Variants in GLI1 observed in about 807,000 individuals in gnomAD.
GLI1 encodes the protein transcription activator GLI1.
Under a neutral mutation model 87.8 loss-of-function variants are expected in GLI1, and 51 were observed. The observed-to-expected ratio is 0.58, with a 90% CI of 0.46 to 0.73. The LOEUF (loss-of-function observed/expected upper bound fraction) is 0.73, where lower values mean the gene tolerates loss of function less well. Among genes scored for constraint, GLI1 ranks in the 30% least tolerant of loss-of-function variants. GLI1 has a pLI of 0.00. For synonymous variants in GLI1, 528 were observed against 558.2 expected, an observed-to-expected ratio of 0.95 and a Z score of 0.76; for missense variants, 1,292 against 1,437.2, an observed-to-expected ratio of 0.90 and a Z score of 1.63.
At chr12:57,465,513 G>C (rs1372119335) in intron 5 of GLI1, 94 bp from the exon 6 acceptor site, 6 of 1,021,834 alleles carry the variant, frequency 5.9e-6, no homozygotes, top group Non-Finnish European at 8.9e-6. Flanking sequence ...CAGCTGCTTG[G>C]GTGGGGGCAC....
At chr12:57,466,094 A>G (rs1389049886) in intron 7 of GLI1, 146 bp from the exon 8 acceptor site, 2 of 1,055,910 alleles carry the variant, frequency 1.9e-6, no homozygotes, top group African/African-American at 3.2e-5. Flanking sequence ...GAGCTGGAAG[A>G]CCTGAGATGT....
rs537462592 is a variant in GLI1 at position 57,470,549 on chromosome 12, C to A, written c.1809C>A (p.Pro603=). The change falls in exon 12 of 12, where the codon CCC becomes CCA. Residue 603 remains proline (P), a synonymous_variant. Coordinates refer to ENST00000228682, the MANE Select transcript of GLI1 (RefSeq NM_005269.3). ...CAGCCAGAGGGGGTGGTACTTCGCC[C>A]ACTGCAGCATCCAGCCTGGATCGGA... ...YASARGGGTS[P]TAASSLDRIG... is the part of the protein sequence containing the mutation. The A allele has an allele frequency of 6.2e-7, 1 of 1,614,068 alleles. No individual in the cohort carries two copies. Among genetic ancestry groups the A allele is most frequent in the Non-Finnish European group, 8.5e-7 (1 of 1,179,986 alleles).
rs748362709 is a variant in GLI1, at chr12:57,471,982, C to G, written c.3242C>G (p.Pro1081Arg). Residue 1081 changes from proline (P) to arginine (R), a missense_variant, in exon 12 of 12, where the codon CCC becomes CGC. By Grantham distance (103) the Pro-to-Arg change is moderately radical. Transcript: ENST00000228682. This position sits in a 1 kb window ranked among gnomAD's most constrained non-coding sequence, Gnocchi z 4.9. ...SGHTPPPSGP[P>R]NMAVGNMSVL... ...CATACCCCACCTCCCTCTGGGCCCCCCAACATGGCTGTGGGCAACATGAGT... is the reference window on the plus strand; with the variant it reads ...CATACCCCACCTCCCTCTGGGCCCCGCAACATGGCTGTGGGCAACATGAGT... 1 of 1,586,120 alleles carries G rather than the reference C, an allele frequency of 6.3e-7. No individual in the cohort carries two copies. Among genetic ancestry groups the G allele is most frequent in the Admixed American group, 1.9e-5 (1 of 53,642 alleles).
chr12:57,466,102 T>C, intron 7 of GLI1, 138 bp from the exon 8 acceptor site: 3 of 1,061,336 alleles, frequency 2.8e-6, no homozygotes, highest in Non-Finnish European at 4.2e-6. Context: ...AGACCTGAGA[T>C]GTGAGATATG....
At chr12:57,469,265 C>T (rs113136939) in intron 10 of GLI1, among the ~76,000 whole-genome samples, 166 bp from the exon 11 acceptor site, 38 of 152,310 alleles carry the variant, frequency 2.5e-4, no homozygotes, top group Non-Finnish European at 2.8e-4. Flanking sequence ...TCTCATCAAA[C>T]GTCTCACATT....
chr12:57,465,578 C>G (rs746867637), intron 5 of GLI1, 29 bp from the exon 6 acceptor site: 1 of 1,577,780 alleles, frequency 6.3e-7, no homozygotes, highest in Non-Finnish European at 8.7e-7. Flanking sequence ...CTTCCACCCT[C>G]ATCACCGTCA....
Position 57,467,434 on chromosome 12 carries a change from C to T in GLI1, c.1014C>T (p.Cys338=), listed in dbSNP as rs780481000. The T allele has an allele frequency of 2.5e-6, 4 of 1,612,348 alleles. No individual in the cohort carries two copies. In the Admixed American group the frequency reaches 5.0e-5, roughly 20 times the overall value. ...CATACATGTGTGAGCACGAGGGCTG[C>T]AGTAAAGCCTTCAGCAATGCCAGTG... is the stretch of plus-strand genomic sequence containing the variant. ...EKPYMCEHEG[C]SKAFSNASDR... The change falls in exon 9 of 12, where the codon TGC becomes TGT. Residue 338 remains cysteine, a synonymous_variant. Transcript: ENST00000228682.
At chr12:57,464,550 A>G in intron 3 of GLI1, 123 bp from the exon 4 acceptor site, 2 of 638,396 alleles carry the variant, frequency 3.1e-6, no homozygotes, top group Non-Finnish European at 5.4e-6. Context: ...AAAGTCACAG[A>G]TAGCATCAAT....
chr12:57,471,196 G>T lies in GLI1; in HGVS notation c.2456G>T (p.Gly819Val), dbSNP rs112209004. Residue 819 changes from glycine (G) to valine (V), a missense_variant, in exon 12 of 12, where the codon GGG becomes GTG. Gly to Val is a moderately radical substitution (Grantham distance 109, BLOSUM62 -3). This residue lies in a region of GLI1 where 897 missense variants were observed against 1,040.7 expected (regional missense o/e 0.86). Coordinates refer to ENST00000228682, the MANE Select transcript of GLI1 (RefSeq NM_005269.3). This position sits in a 1 kb window ranked among gnomAD's most constrained non-coding sequence, Gnocchi z 4.9. ...CAAGTGCAAGTCAAGCCAGAACAGGGGTGCCCAGTGGGGTCTGACTCCACA... is the reference window on the plus strand; with the variant it reads ...CAAGTGCAAGTCAAGCCAGAACAGGTGTGCCCAGTGGGGTCTGACTCCACA... ...YGQVQVKPEQGCPVGSDSTGL... is the reference protein window; with the variant it reads ...YGQVQVKPEQVCPVGSDSTGL... 1.3e-6 allele frequency: 2 copies of T among 1,599,106 alleles called. No individual in the cohort carries two copies. The highest frequency in any genetic ancestry group is 1.7e-6 in the Non-Finnish European group (2 of 1,172,780).
In GLI1 at chr12:57,464,878, GC is replaced by G; in HGVS notation, c.389+14del. The G allele has an allele frequency of 1.9e-6, 3 of 1,605,604 alleles. No homozygotes were observed. The highest frequency in any genetic ancestry group is 2.6e-6 in the Non-Finnish European group (3 of 1,172,728). ...CCATTGGCACCATGAGGTGCAGTCA[GC>G]CCCGGGCCAAGAGGCCCCTAAAGCC... is the stretch of plus-strand genomic sequence containing the variant. On this transcript the variant is annotated intron_variant, in intron 4 of 11. Transcript: ENST00000228682.
Position 57,470,964 on chromosome 12 carries a change from C to A in GLI1, c.2224C>A (p.Pro742Thr), listed in dbSNP as rs753849741. 1 of 1,613,828 alleles carries A rather than the reference C, an allele frequency of 6.2e-7. No homozygotes were observed. Among genetic ancestry groups the A allele is most frequent in the Admixed American group, 1.7e-5 (1 of 59,986 alleles). The change falls in exon 12 of 12, where the codon CCT becomes ACT. Residue 742 changes from proline to threonine, a missense_variant. Coordinates refer to ENST00000228682, the MANE Select transcript of GLI1 (RefSeq NM_005269.3). ...YGGPEGAAAE[P>T]YGARGPGSLP... is the part of the protein sequence containing the mutation. ...GGGACCTGAAGGGGCAGCAGCTGAG[C>A]CTTATGGAGCGAGGGGTCCAGGCTC...
At position 57,468,046 on chromosome 12, in the gene GLI1, G is replaced by C; in HGVS notation, c.1130G>C (p.Ser377Thr). Residue 377 changes from serine to threonine, a missense_variant, in exon 10 of 12, where the codon AGC becomes ACC. By Grantham distance (58) the Ser-to-Thr change is moderately conservative. Transcript: ENST00000228682. Reference protein sequence around the residue: ...PGCTKRYTDPSSLRKHVKTVH... With the variant: ...PGCTKRYTDPTSLRKHVKTVH... ...TGCACCAAACGCTATACAGATCCTA[G>C]CTCGCTGCGAAAACATGTCAAGACA... 6.2e-7 allele frequency: 1 copy of C among 1,614,212 alleles called. No individual in the cohort carries two copies. The highest frequency in any genetic ancestry group is 8.5e-7 in the Non-Finnish European group (1 of 1,180,044).
At position 57,460,130 on chromosome 12, in the gene GLI1, T is replaced by TCCCCACCGCACA. The variant is rs1411845164; in HGVS notation, c.-94_-83dup. The TCCCCACCGCACA allele has an allele frequency of 2.7e-5, 4 of 146,534 alleles. No individual in the cohort carries two copies. Among genetic ancestry groups the TCCCCACCGCACA allele is most frequent in the East Asian group, 2.1e-4 (1 of 4,712 alleles). The allele number at this position is 146,534 out of a possible 1,614,324, so 9.1% of individuals were successfully genotyped here. On this transcript the variant is annotated 5_prime_UTR_variant, in exon 1 of 12. Transcript: ENST00000228682. ...CTGCCGTGGCCCTCTCCGCCCCCCCTCCCCACCGCACACCCCCCAGCCCAG... is the reference window on the plus strand; with the variant it reads ...CTGCCGTGGCCCTCTCCGCCCCCCCTCCCCACCGCACACCCCACCGCACACCCCCCAGCCCAG...
chr12:57,469,546 C>G lies in GLI1; in HGVS notation c.1424C>G (p.Thr475Ser). 2 of 1,614,230 alleles carry G rather than the reference C, an allele frequency of 1.2e-6. No homozygotes were observed. The highest frequency in any genetic ancestry group is 1.7e-6 in the Non-Finnish European group (2 of 1,180,040). Residue 475 changes from threonine to serine, a missense_variant, in exon 11 of 12, where the codon ACT becomes AGT. Thr to Ser is a moderately conservative substitution (Grantham distance 58). This residue lies in a region of GLI1 where 897 missense variants were observed against 1,040.7 expected (regional missense o/e 0.86). Coordinates refer to ENST00000228682, the MANE Select transcript of GLI1 (RefSeq NM_005269.3). ...VEMTGNAGGSTEDLSSLDEGP... is the reference protein window; with the variant it reads ...VEMTGNAGGSSEDLSSLDEGP... ...ATGACTGGCAATGCAGGGGGCAGCA[C>G]TGAAGACCTCTCCAGCTTGGACGAG...
In GLI1 at chr12:57,470,400, A is replaced by G; in HGVS notation, c.1660A>G (p.Thr554Ala). The G allele has an allele frequency of 1.2e-6, 2 of 1,613,610 alleles. No individual in the cohort carries two copies. The highest frequency in any genetic ancestry group is 1.7e-5 in the Admixed American group (1 of 59,982). The change falls in exon 12 of 12, where the codon ACT becomes GCT. Residue 554 changes from threonine (T) to alanine (A), a missense_variant. This residue lies in a region of GLI1 where 897 missense variants were observed against 1,040.7 expected (regional missense o/e 0.86). Coordinates refer to ENST00000228682, the MANE Select transcript of GLI1 (RefSeq NM_005269.3). ...CTCCAGCAGCATCAGCTCTGCCTAT[A>G]CTGTCAGCCGCCGCTCCTCCCTGGC... is the stretch of plus-strand genomic sequence containing the variant. Reference protein sequence around the residue: ...SSSSSISSAYTVSRRSSLASP... With the variant: ...SSSSSISSAYAVSRRSSLASP...
Position 57,470,496 on chromosome 12 carries a change from C to A in GLI1, c.1756C>A (p.His586Asn). ...CCTGCCTGGCCTTATGCCTGCCCAG[C>A]ACTACCTGCTTCGGGCAAGATATGC... ...SSLPGLMPAQHYLLRARYASA... is the reference protein window; with the variant it reads ...SSLPGLMPAQNYLLRARYASA... Residue 586 changes from histidine to asparagine, a missense_variant, in exon 12 of 12, where the codon CAC becomes AAC. Physicochemically the swap from His to Asn is moderately conservative, Grantham distance 68 (BLOSUM62 1). Coordinates refer to ENST00000228682, the MANE Select transcript of GLI1 (RefSeq NM_005269.3). 1 of 1,613,994 alleles carries A rather than the reference C, an allele frequency of 6.2e-7. No homozygotes were observed. The highest frequency in any genetic ancestry group is 1.1e-5 in the South Asian group (1 of 91,076).
intron 1 of GLI1, among the ~76,000 whole-genome samples, chr12:57,462,761 T>C (rs1230737817): frequency 6.6e-6 from 1 of 152,176 alleles, no homozygotes; most frequent in African/African-American, 2.4e-5. Flanking sequence ...CCACACTGTT[T>C]TCTGTCTAAG....
intron 8 of GLI1, 87 bp from the exon 9 acceptor site, chr12:57,467,246 A>T: frequency 9.1e-7 from 1 of 1,094,482 alleles, no homozygotes; most frequent in Non-Finnish European, 1.3e-6. Flanking sequence ...ATATTCTCTG[A>T]TGTGTGTCCT....
chr12:57,466,011 G>A, intron 7 of GLI1, 86 bp downstream of exon 7: 1 of 1,300,426 alleles, frequency 7.7e-7, no homozygotes, highest in Non-Finnish European at 1.1e-6. Flanking sequence ...CTGAGGGCAG[G>A]AGGTCAGAGG....
Sources: allele counts gnomAD v4.1 joint callset (sites outside exome capture counted in the v4.1 genomes callset), GRCh38; gene constraint gnomAD v4.1.1; regional missense constraint gnomAD v4.1.1; non-coding constraint Gnocchi (gnomAD v3.1); transcripts MANE v1.5; gene names NCBI Gene and HGNC (gene_info 2026-07-23, HGNC 2026-07-21).